Variants in PAG1 observed in about 807,000 individuals in gnomAD.
PAG1 encodes phosphoprotein associated with glycosphingolipid-enriched microdomains 1.
PAG1 carries 23 observed loss-of-function variants against 31.7 expected under a neutral mutation model. The ratio of observed to expected loss-of-function variants is 0.73; its 90% CI spans 0.52 to 1.03. The LOEUF is 1.03. Among genes scored for constraint, PAG1 ranks in the 50% least tolerant of loss-of-function variants. PAG1 has a pLI of 0.00. For missense variants in PAG1, 473 were observed against 540.7 expected, an observed-to-expected ratio of 0.87 and a Z score of 1.24; for synonymous variants, 214 against 210.3, an observed-to-expected ratio of 1.02 and a Z score of -0.15.
At chr8:81,029,513 G>A (rs547550728) in intron 3 of PAG1, among the ~76,000 whole-genome samples, 1 of 152,120 alleles carries the variant, frequency 6.6e-6, no homozygotes, top group Non-Finnish European at 1.5e-5. Context: ...GAAGAACATG[G>A]AGTTCCTTAA....
rs73692378 is a variant in PAG1, at chr8:81,109,561, T to C, written c.-234+2030A>G. Among the ~76,000 whole-genome samples, 600 of 152,372 alleles carry C rather than the reference T, an allele frequency of 3.9e-3. 3 individuals carry two copies. The highest frequency in any genetic ancestry group is 0.013 in the African/African-American group (541 of 41,590). On this transcript the variant is annotated intron_variant, in intron 1 of 8. Coordinates refer to ENST00000220597, the MANE Select transcript of PAG1 (RefSeq NM_018440.4). ...ATAAATGTTTATACCTTCTCTCCTATTATACACATGAACTGCTTCTGTTAA... is the reference window on the plus strand; with the variant it reads ...ATAAATGTTTATACCTTCTCTCCTACTATACACATGAACTGCTTCTGTTAA...
rs1672414626 is a variant in PAG1 at position 81,071,250 on chromosome 8, T to C, written c.-233-1080A>G. Among the ~76,000 whole-genome samples, 3 of 152,090 alleles carry C rather than the reference T, an allele frequency of 2.0e-5. No individual in the cohort carries two copies. The South Asian group carries it at 6.2e-4, about 32-fold the overall frequency. ...CATGAACACCCAGACTCTTAACCCA[T>C]GTGGTCTAAGAGCCGCCTGAATATG... On this transcript the variant is annotated intron_variant, in intron 1 of 8. Transcript: ENST00000220597.
intron 8 of PAG1, among the ~76,000 whole-genome samples, chr8:80,979,500 G>A (rs1807254315): frequency 1.3e-5 from 2 of 152,192 alleles, no homozygotes; most frequent in Non-Finnish European, 2.9e-5. Context: ...TTTGGTCTGT[G>A]CAACCAGATA....
At chr8:81,083,538 C>T (rs1290858557) in intron 1 of PAG1, among the ~76,000 whole-genome samples, 1 of 152,086 alleles carries the variant, frequency 6.6e-6, no homozygotes, top group African/African-American at 2.4e-5. Context: ...TCCCTATCAG[C>T]TTTTGCTGGT....
At chr8:81,070,983 T>G (rs1385062034) in intron 1 of PAG1, among the ~76,000 whole-genome samples, 1 of 152,176 alleles carries the variant, frequency 6.6e-6, no homozygotes, top group Non-Finnish European at 1.5e-5. Flanking sequence ...AGGAGAAATA[T>G]CCACTGGGGG....
intron 2 of PAG1, among the ~76,000 whole-genome samples, chr8:81,032,561 G>A (rs1048561761): frequency 3.9e-5 from 6 of 152,116 alleles, no homozygotes; most frequent in African/African-American, 1.4e-4. Flanking sequence ...TAATAAACAC[G>A]TCTAAGCTAA....
chr8:81,003,603 C>T lies in PAG1; in HGVS notation c.-80-10296G>A, dbSNP rs180728021. Among the ~76,000 whole-genome samples, 54 of 152,306 alleles carry T rather than the reference C, an allele frequency of 3.5e-4. No homozygotes were observed. In the East Asian group the frequency reaches 9.2e-3, roughly 26 times the overall value. On this transcript the variant is annotated intron_variant, in intron 3 of 8. Coordinates refer to ENST00000220597, the MANE Select transcript of PAG1 (RefSeq NM_018440.4). ...CCAGGTTCTGCTCCATTCTTTTCCA[C>T]TGAATTGCTGTGTGGCCTGAAGCGA...
chr8:81,059,088 A>C lies in PAG1; in HGVS notation c.-175+11024T>G, dbSNP rs141069926. Among the ~76,000 whole-genome samples, 842 of 152,276 alleles carry C rather than the reference A, an allele frequency of 5.5e-3. 9 individuals carry two copies. Among genetic ancestry groups the C allele is most frequent in the South Asian group, 0.043 (206 of 4,824 alleles). On this transcript the variant is annotated intron_variant, in intron 2 of 8. Transcript: ENST00000220597. ...CCCAGACACTTAAGTATATATACTTAAGTATATATATAGGCATAGTATTTG... is the reference window on the plus strand; with the variant it reads ...CCCAGACACTTAAGTATATATACTTCAGTATATATATAGGCATAGTATTTG...
chr8:81,039,540 C>T (rs1340265628), intron 2 of PAG1: 1 of 152,198 alleles, frequency 6.6e-6, no homozygotes, highest in African/African-American at 2.4e-5. Context: ...TTGCAGCCTC[C>T]AGAATGGTGA....
intron 1 of PAG1, among the ~76,000 whole-genome samples, chr8:81,106,529 C>T (rs1384296760): frequency 6.6e-6 from 1 of 152,090 alleles, no homozygotes; most frequent in Non-Finnish European, 1.5e-5. Flanking sequence ...CGTTTTTAAT[C>T]ACTTCTCAGG....
chr8:81,023,611 AAGAG>A (rs755542088), intron 3 of PAG1, among the ~76,000 whole-genome samples: 4 of 151,666 alleles, frequency 2.6e-5, no homozygotes, highest in Non-Finnish European at 4.4e-5. Flanking sequence ...GAGAGAGAGA[AAGAG>A]AGAGAAAAAA....
chr8:81,075,456 T>C (rs778270635), intron 1 of PAG1, among the ~76,000 whole-genome samples: 1 of 152,224 alleles, frequency 6.6e-6, no homozygotes, highest in Non-Finnish European at 1.5e-5. Context: ...CACTTGCATG[T>C]GAAATAATTA....
chr8:81,092,737 A>G (rs1170690230), intron 1 of PAG1, among the ~76,000 whole-genome samples: 1 of 152,242 alleles, frequency 6.6e-6, no homozygotes, highest in Non-Finnish European at 1.5e-5. Context: ...AGTTCATGGT[A>G]TATACCACTT....
At chr8:81,097,032 A>G (rs1349145897) in intron 1 of PAG1, among the ~76,000 whole-genome samples, 1 of 152,156 alleles carries the variant, frequency 6.6e-6, no homozygotes, top group Non-Finnish European at 1.5e-5. Flanking sequence ...ACTCCCTGCT[A>G]CCCCTTCCAC....
At chr8:81,089,795 T>C (rs192973526) in intron 1 of PAG1, among the ~76,000 whole-genome samples, 242 of 152,290 alleles carry the variant, frequency 1.6e-3, no homozygotes, top group African/African-American at 5.7e-3. Context: ...TTAGTGCCTC[T>C]GCTTGCATGA....
intron 2 of PAG1, among the ~76,000 whole-genome samples, chr8:81,048,061 A>G (rs1808671269): frequency 1.3e-5 from 2 of 152,116 alleles, no homozygotes; most frequent in Admixed American, 6.5e-5. Flanking sequence ...GCCCTCTGTA[A>G]CCTGATTCAC....
intron 3 of PAG1, among the ~76,000 whole-genome samples, chr8:81,026,417 C>T (rs1454610048): frequency 6.7e-6 from 1 of 149,090 alleles, no homozygotes; most frequent in Non-Finnish European, 1.5e-5. Context: ...TTCCCTCGAC[C>T]GATAAACATT....
At chr8:81,086,679 T>C (rs1357508294) in intron 1 of PAG1, among the ~76,000 whole-genome samples, 8 of 151,902 alleles carry the variant, frequency 5.3e-5, no homozygotes, top group Non-Finnish European at 1.2e-4. Flanking sequence ...CAAACAAATA[T>C]CTCTCATGAG....
intron 1 of PAG1, among the ~76,000 whole-genome samples, chr8:81,084,640 C>T (rs1025034156): frequency 2.6e-5 from 4 of 152,062 alleles, no homozygotes; most frequent in African/African-American, 9.7e-5. Context: ...TATTTGAAGG[C>T]TTCTTTCTTT....
Sources: gnomAD v4.1 joint callset for allele counts (sites outside exome capture counted in the v4.1 genomes callset) on GRCh38, gnomAD v4.1.1 for gene constraint, MANE v1.5 for transcripts, NCBI Gene and HGNC (gene_info 2026-07-23, HGNC 2026-07-21) for gene names.